The following UBE3C variants were observed in gnomAD, a reference collection of about 807,000 sequenced individuals.
UBE3C encodes ubiquitin-protein ligase E3C.
In UBE3C, 42 loss-of-function variants were observed where a neutral mutation model predicts 129.4. The ratio of observed to expected loss-of-function variants is 0.32; its 90% confidence interval spans 0.25 to 0.42. UBE3C has a LOEUF of 0.42. UBE3C is among the 10% of genes least tolerant of loss of function. The probability of loss-of-function intolerance (pLI) is 1.00; values close to 1 mark genes in which losing one functional copy is unlikely to be tolerated. For missense variants in UBE3C, 1,049 were observed against 1,319.1 expected, an observed-to-expected ratio of 0.80 and a Z score of 3.17; for synonymous variants, 510 against 492.4, an observed-to-expected ratio of 1.04 and a Z score of -0.47.
intron 6 of UBE3C, among the ~76,000 whole-genome samples, chr7:157,179,683 TGCAGACAGAATTATAA>T (rs1236701744): frequency 1.3e-5 from 2 of 152,188 alleles, no homozygotes; most frequent in African/African-American, 4.8e-5. Flanking sequence ...GAGCCGTGGC[TGCAGACAGAATTATAA>T]GCAGCTGTGC....
At chr7:157,196,287 G>A (rs1188078296) in intron 10 of UBE3C, among the ~76,000 whole-genome samples, 1 of 152,236 alleles carries the variant, frequency 6.6e-6, no homozygotes, top group Non-Finnish European at 1.5e-5. Flanking sequence ...CTATAGAATT[G>A]TTAAGATAAT....
chr7:157,214,850 A>G (rs1428351645), intron 13 of UBE3C, among the ~76,000 whole-genome samples: 3 of 152,188 alleles, frequency 2.0e-5, no homozygotes, highest in Non-Finnish European at 4.4e-5. Context: ...TTTCAGCCAA[A>G]CAGTTAACCA....
intron 7 of UBE3C, 50 bp from the exon 8 acceptor site, chr7:157,182,058 A>T (rs371060403): frequency 2.2e-5 from 32 of 1,477,176 alleles, no homozygotes; most frequent in Non-Finnish European, 2.5e-5. Context: ...CAGTGATTGG[A>T]TGGACAGTAT....
chr7:157,232,232 T>TA (rs1796040526), intron 18 of UBE3C, among the ~76,000 whole-genome samples: 3 of 152,234 alleles, frequency 2.0e-5, no homozygotes, highest in Admixed American at 6.5e-5. Flanking sequence ...TATCTGCAAA[T>TA]ACCTCATTTC....
In UBE3C at chr7:157,267,742, T is replaced by TTGAGC. The variant is rs1392519045; in HGVS notation, c.3248_3252dup. 6.2e-7 allele frequency: 1 copy of TTGAGC among 1,606,864 alleles called. No homozygotes were observed. The highest frequency in any genetic ancestry group is 2.2e-5 in the East Asian group (1 of 44,660). On this transcript the variant is annotated frameshift_variant, in exon 23 of 23. Coordinates refer to ENST00000348165, the MANE Select transcript of UBE3C (RefSeq NM_014671.3). LOFTEE classifies it high-confidence loss of function. ...TATGCGATTGAATGTGCCGCTGGCT[T>TTGAGC]TGAGCTGAGCTGAAGCTGATGCTGG...
At chr7:157,156,218 C>T (rs1483228615) in intron 1 of UBE3C, among the ~76,000 whole-genome samples, 1 of 150,692 alleles carries the variant, frequency 6.6e-6, no homozygotes, top group Non-Finnish European at 1.5e-5. Flanking sequence ...ATTATAAGTA[C>T]ATGGGTGATC....
chr7:157,169,410 CTG>C (rs1808305183), intron 3 of UBE3C, among the ~76,000 whole-genome samples: 1 of 150,376 alleles, frequency 6.6e-6, no homozygotes, highest in East Asian at 1.9e-4. Context: ...GAGTCTCACT[CTG>C]TTGCCCAGGC....
intron 1 of UBE3C, among the ~76,000 whole-genome samples, chr7:157,155,398 T>C (rs1267900801): frequency 6.6e-6 from 1 of 152,132 alleles, no homozygotes; most frequent in African/African-American, 2.4e-5. Context: ...ATAAGCCAAA[T>C]AGGTGAAACA....
chr7:157,189,174 A>C, intron 10 of UBE3C: 1 of 390,878 alleles, frequency 2.6e-6, no homozygotes, highest in Non-Finnish European at 4.5e-6. Context: ...TATGCCGAGG[A>C]AGCTGGGGCT....
chr7:157,250,652 T>C (rs1020675001), intron 19 of UBE3C, among the ~76,000 whole-genome samples: 1 of 152,210 alleles, frequency 6.6e-6, no homozygotes, highest in Non-Finnish European at 1.5e-5. Context: ...TTACAACTTA[T>C]TTAGTTGCTT....
At chr7:157,153,561 C>T (rs888391339) in intron 1 of UBE3C, among the ~76,000 whole-genome samples, 1 of 152,150 alleles carries the variant, frequency 6.6e-6, no homozygotes, top group East Asian at 1.9e-4. Flanking sequence ...CCCAGGTAAT[C>T]CCAAGTGTTG....
At chr7:157,200,698 A>T (rs1414521490) in intron 10 of UBE3C, among the ~76,000 whole-genome samples, 1 of 152,084 alleles carries the variant, frequency 6.6e-6, no homozygotes, top group African/African-American at 2.4e-5. Context: ...GTAGTGGTGC[A>T]ATCTTGGCTC....
In UBE3C at chr7:157,186,655, C is replaced by A. The variant is rs140781707; in HGVS notation, c.1144-179C>A. 1.3e-5 allele frequency among the ~76,000 whole-genome samples: 2 copies of A among 152,182 alleles called. 1 individual carries two copies. Among genetic ancestry groups the A allele is most frequent in the Non-Finnish European group, 2.9e-5 (2 of 68,016 alleles). On this transcript the variant is annotated intron_variant, in intron 9 of 22. Coordinates refer to ENST00000348165, the MANE Select transcript of UBE3C (RefSeq NM_014671.3). ...TTTACTGTGTTAGGCAAAATGGATG[C>A]CTACTGTTGACTGGATCCCTAGAGG...
intron 2 of UBE3C, among the ~76,000 whole-genome samples, chr7:157,166,624 C>T (rs1353375485): frequency 6.6e-6 from 1 of 151,774 alleles, no homozygotes; most frequent in Non-Finnish European, 1.5e-5. Flanking sequence ...CCTGTAATCC[C>T]AGCTCCTCGG....
At chr7:157,246,571 TAAAAC>T (rs1441940487) in intron 18 of UBE3C, among the ~76,000 whole-genome samples, 2 of 152,210 alleles carry the variant, frequency 1.3e-5, no homozygotes, top group Non-Finnish European at 2.9e-5. Flanking sequence ...ACTTGAATCT[TAAAAC>T]AGTAGGATAA....
At chr7:157,167,064 G>A (rs1039973302) in intron 2 of UBE3C, among the ~76,000 whole-genome samples, 3 of 152,036 alleles carry the variant, frequency 2.0e-5, no homozygotes, top group East Asian at 3.9e-4. Flanking sequence ...CAAGTAGCTG[G>A]GATTACAGGC....
chr7:157,234,143 CT>C (rs1796093520), intron 18 of UBE3C, among the ~76,000 whole-genome samples: 1 of 151,994 alleles, frequency 6.6e-6, no homozygotes, highest in African/African-American at 2.4e-5. Flanking sequence ...TGGATTGTCT[CT>C]TCACTTTCAT....
chr7:157,243,831 A>G (rs1796407272), intron 18 of UBE3C, among the ~76,000 whole-genome samples: 1 of 152,220 alleles, frequency 6.6e-6, no homozygotes, highest in South Asian at 2.1e-4. Context: ...AGATTCATGA[A>G]TGCAGAATTC....
rs10713758 is a variant in UBE3C at position 157,201,637 on chromosome 7, C to CTTTTTT, written c.1332-68_1332-63dup. The stretch of plus-strand genomic sequence containing the variant: ...TTGTACGTTGATCTTCAGTGTATCG[C>CTTTTTT]TTTTTTTTTTTTTTTTTTTTTAAGA... On this transcript the variant is annotated intron_variant, in intron 10 of 22. Transcript: ENST00000348165. 399 of 223,066 alleles carry CTTTTTT rather than the reference C, an allele frequency of 1.8e-3. 23 individuals are homozygous for CTTTTTT. The highest frequency in any genetic ancestry group is 5.2e-3 in the East Asian group (24 of 4,594). The allele number at this position is 223,066 out of a possible 1,614,324, so 13.8% of individuals were successfully genotyped here. A position where few individuals can be genotyped will look rare whatever the true frequency, so the allele number is the denominator to read the frequency against.
Sources: gnomAD v4.1 joint callset for allele counts (sites outside exome capture counted in the v4.1 genomes callset) on GRCh38, gnomAD v4.1.1 for gene constraint, MANE v1.5 for transcripts, NCBI Gene and HGNC (gene_info 2026-07-23, HGNC 2026-07-21) for gene names.